MUC17: variants seen among roughly 807,000 people sequenced by gnomAD.
MUC17 encodes the protein mucin 17, cell surface associated, also known as mucin-17.
In MUC17, 190 loss-of-function variants were observed where a neutral mutation model predicts 170.3. The observed-to-expected ratio is 1.12, with a 90% CI of 0.99 to 1.26. The LOEUF is 1.26. Ranked by LOEUF, MUC17 falls within the 50% of genes most tolerant of loss-of-function variation. The pLI, the probability that MUC17 is intolerant of heterozygous loss-of-function variation, is 0.00. For missense variants in MUC17, 6,415 were observed against 5,530.0 expected (o/e 1.16, Z -5.08); for synonymous variants, 2,325 against 2,002.5 (o/e 1.16, Z -4.30).
In MUC17 at chr7:101,058,104, C is replaced by A; in HGVS notation, c.*60C>A. 2.0e-6 allele frequency: 3 copies of A among 1,494,054 alleles called. No individual in the cohort carries two copies. The highest frequency in any genetic ancestry group is 1.9e-6 in the Non-Finnish European group (2 of 1,072,168). The allele number at this position is 1,494,054 out of a possible 1,614,324, so 92.5% of individuals were successfully genotyped here. On this transcript the variant is annotated 3_prime_UTR_variant, in exon 13 of 13. Coordinates refer to ENST00000306151, the MANE Select transcript of MUC17 (RefSeq NM_001040105.2). ...CCCAGTCCGGCTAAGCTTGGTGGAG[C>A]ATTTTCCCATTGAGAGCCTTCCATG... is the stretch of plus-strand genomic sequence containing the variant.
chr7:101,028,714 A>C (rs1348342494), intron 1 of MUC17, among the ~76,000 whole-genome samples: 2 of 151,144 alleles, frequency 1.3e-5, no homozygotes, highest in African/African-American at 4.9e-5. Flanking sequence ...CCCTGTCTCT[A>C]CAAAAAAAAA....
chr7:101,031,007 G>T, intron 1 of MUC17, 113 bp from the exon 2 acceptor site: 6 of 1,299,458 alleles, frequency 4.6e-6, no homozygotes, highest in Non-Finnish European at 6.2e-6. Context: ...AAAATCAGCA[G>T]GCTGGTTCAG....
intron 3 of MUC17, among the ~76,000 whole-genome samples, chr7:101,045,851 C>G (rs992995985): frequency 2.0e-5 from 3 of 152,188 alleles, no homozygotes; most frequent in African/African-American, 7.2e-5. Context: ...CGACAAAGGC[C>G]AGGTGGCTGC....
chr7:101,027,622 G>A (rs556345546), intron 1 of MUC17, among the ~76,000 whole-genome samples: 63 of 152,148 alleles, frequency 4.1e-4, no homozygotes, highest in African/African-American at 1.4e-3. Context: ...TTTTGGAGCT[G>A]TGGGCTTATA....
chr7:101,037,574 C>A lies in MUC17; in HGVS notation c.6158C>A (p.Thr2053Asn). 3.1e-6 allele frequency: 5 copies of A among 1,613,836 alleles called. No individual in the cohort carries two copies. Among genetic ancestry groups the A allele is most frequent in the Non-Finnish European group, 4.2e-6 (5 of 1,179,834 alleles). ...CCATTAGCAGGTATGCCTGTCAGCA[C>A]TACGCTTGTGGTCAGTTCTGAGGGT... is the stretch of plus-strand genomic sequence containing the variant. ...TTPLAGMPVS[T>N]TLVVSSEGNT... Residue 2053 changes from threonine to asparagine, a missense_variant, in exon 3 of 13, where the codon ACT (threonine) becomes AAT (asparagine). By Grantham distance (65) the Thr-to-Asn change is moderately conservative (BLOSUM62 0). Coordinates refer to ENST00000306151, the MANE Select transcript of MUC17 (RefSeq NM_001040105.2).
Position 101,042,222 on chromosome 7 carries a change from C to T in MUC17, c.10806C>T (p.Asp3602=), listed in dbSNP as rs762375002. The T allele has an allele frequency of 6.2e-7, 1 of 1,614,206 alleles. No individual in the cohort carries two copies. Among genetic ancestry groups the T allele is most frequent in the Non-Finnish European group, 8.5e-7 (1 of 1,180,014 alleles). The change falls in exon 3 of 13, where the codon GAC becomes GAT. Residue 3602 remains aspartate, a synonymous_variant. Transcript: ENST00000306151. ...EASTPSTPSV[D]RSTPVTTSTQ... is the part of the protein sequence containing the mutation. ...GCACACCTTCCACTCCTTCTGTTGA[C>T]AGAAGCACACCTGTGACCACTTCTA...
At chr7:101,031,575 A>G in intron 2 of MUC17, 26 bp from the exon 3 acceptor site, 1 of 1,513,224 alleles carries the variant, frequency 6.6e-7, no homozygotes, top group Non-Finnish European at 8.8e-7. Context: ...AAACTTCTAA[A>G]CAAAATATCA....
Position 101,041,911 on chromosome 7 carries a change from C to T in MUC17, c.10495C>T (p.Pro3499Ser). ...CACTTCTTCTCCAACCAATTCATCT[C>T]CTACAACTGCTGAAGTTACCAGCAT... ...VTTSSPTNSS[P>S]TTAEVTSMPT... Residue 3499 changes from proline to serine, a missense_variant, in exon 3 of 13, where the codon CCT becomes TCT. Physicochemically the swap from Pro to Ser is moderately conservative, Grantham distance 74 (BLOSUM62 -1). Coordinates refer to ENST00000306151, the MANE Select transcript of MUC17 (RefSeq NM_001040105.2). The T allele has an allele frequency of 3.1e-6, 5 of 1,613,546 alleles. No homozygotes were observed. The highest frequency in any genetic ancestry group is 4.2e-6 in the Non-Finnish European group (5 of 1,179,982).
chr7:101,039,102 C>A lies in MUC17; in HGVS notation c.7686C>A (p.Thr2562=), dbSNP rs780496074. ...ISSSATSAEG[T]SMPTSTYSEG... is the part of the protein sequence containing the mutation. Reference sequence around the variant, plus strand: ...CATCTGCTACATCCGCTGAAGGTACCAGCATGCCTACCTCAACTTATAGTG... The same window carrying A: ...CATCTGCTACATCCGCTGAAGGTACAAGCATGCCTACCTCAACTTATAGTG... The change falls in exon 3 of 13, where the codon ACC becomes ACA. Residue 2562 remains threonine (T), a synonymous_variant. Coordinates refer to ENST00000306151, the MANE Select transcript of MUC17 (RefSeq NM_001040105.2). 6.2e-7 allele frequency: 1 copy of A among 1,613,360 alleles called. No homozygotes were observed. Among genetic ancestry groups the A allele is most frequent in the Non-Finnish European group, 8.5e-7 (1 of 1,179,868 alleles).
chr7:101,022,530 G>A (rs1469071298), intron 1 of MUC17, among the ~76,000 whole-genome samples: 1 of 152,110 alleles, frequency 6.6e-6, no homozygotes, highest in African/African-American at 2.4e-5. Context: ...CCATCAACAA[G>A]GCTCTCCTCC....
In MUC17 at chr7:101,049,359, C is replaced by G. The variant is rs142156590; in HGVS notation, c.12699C>G (p.Val4233=). 1 of 1,613,274 alleles carries G rather than the reference C, an allele frequency of 6.2e-7. No individual in the cohort carries two copies. Among genetic ancestry groups the G allele is most frequent in the South Asian group, 1.1e-5 (1 of 90,956 alleles). ...TGTATTCCGGGATCCCTGAGTATGT[C>G]GGGGTGAACATCACAAAGCTACGGT... ...NIVYSGIPEY[V]GVNITKLRLG... The change falls in exon 6 of 13, where the codon GTC becomes GTG. Residue 4233 remains valine (V), a synonymous_variant. Coordinates refer to ENST00000306151, the MANE Select transcript of MUC17 (RefSeq NM_001040105.2).
chr7:101,043,572 C>G lies in MUC17; in HGVS notation c.12156C>G (p.Ser4052Arg). The change falls in exon 3 of 13, where the codon AGC (serine) becomes AGG (arginine). Residue 4052 changes from serine to arginine, a missense_variant. Physicochemically the swap from Ser to Arg is moderately radical, Grantham distance 110. Coordinates refer to ENST00000306151, the MANE Select transcript of MUC17 (RefSeq NM_001040105.2). ...CTGTGACCCCTTCATCAGAATCCAG[C>G]AGGCCGTCAACAATTACTTCTCACA... ...TRPVTPSSESSRPSTITSHTI... is the reference protein window; with the variant it reads ...TRPVTPSSESRRPSTITSHTI... 1 of 1,614,206 alleles carries G rather than the reference C, an allele frequency of 6.2e-7. No homozygotes were observed. The highest frequency in any genetic ancestry group is 1.1e-5 in the South Asian group (1 of 91,084).
Position 101,042,045 on chromosome 7 carries a change from C to A in MUC17, c.10629C>A (p.Asp3543Glu), listed in dbSNP as rs753946936. The change falls in exon 3 of 13, where the codon GAC (aspartate) becomes GAA (glutamate). Residue 3543 changes from aspartate to glutamate, a missense_variant. Physicochemically the swap from Asp to Glu is conservative, Grantham distance 45. Transcript: ENST00000306151. ...EASTLSTTPV[D>E]SNTFVTSSSQ... ...GCACCCTTTCAACAACTCCTGTTGACTCCAACACTTTTGTTACCAGTTCTA... is the reference window on the plus strand; with the variant it reads ...GCACCCTTTCAACAACTCCTGTTGAATCCAACACTTTTGTTACCAGTTCTA... The A allele has an allele frequency of 9.3e-6, 15 of 1,613,772 alleles. No individual in the cohort carries two copies. The Middle Eastern group carries it at 6.6e-4, about 71-fold the overall frequency.
chr7:101,042,055 T>G lies in MUC17; in HGVS notation c.10639T>G (p.Phe3547Val). The G allele has an allele frequency of 2.5e-6, 4 of 1,610,438 alleles. No individual in the cohort carries two copies. In the South Asian group the frequency reaches 3.3e-5, roughly 13 times the overall value. Residue 3547 changes from phenylalanine (F) to valine (V), a missense_variant, in exon 3 of 13, where the codon TTT becomes GTT. Phe to Val is a conservative substitution (Grantham distance 50). Transcript: ENST00000306151. ...AACAACTCCTGTTGACTCCAACACTTTTGTTACCAGTTCTAGTCAAGCCAG... is the reference window on the plus strand; with the variant it reads ...AACAACTCCTGTTGACTCCAACACTGTTGTTACCAGTTCTAGTCAAGCCAG... The part of the protein sequence containing the change: ...LSTTPVDSNT[F>V]VTSSSQASSS...
chr7:101,037,954 A>C lies in MUC17; in HGVS notation c.6538A>C (p.Thr2180Pro), dbSNP rs2116436365. 6.2e-7 allele frequency: 1 copy of C among 1,612,544 alleles called. No individual in the cohort carries two copies. The highest frequency in any genetic ancestry group is 8.5e-7 in the Non-Finnish European group (1 of 1,178,928). The change falls in exon 3 of 13, where the codon ACC (threonine) becomes CCC (proline). Residue 2180 changes from threonine (T) to proline (P), a missense_variant. By Grantham distance (38) the Thr-to-Pro change is conservative. Coordinates refer to ENST00000306151, the MANE Select transcript of MUC17 (RefSeq NM_001040105.2). ...TTVVASSAIS[T>P]LSTTPVDTST... ...AGTGGTGGCCAGTTCTGCAATCAGC[A>C]CCCTTTCAACAACTCCTGTTGACAC...
At position 101,038,465 on chromosome 7, in the gene MUC17, T is replaced by A; in HGVS notation, c.7049T>A (p.Val2350Glu). ...LTRMPVSTTM[V>E]ASFETSTLST... ...CGTATGCCTGTCAGCACCACAATGG[T>A]GGCCAGTTTTGAAACAAGCACACTT... Residue 2350 changes from valine (V) to glutamate (E), a missense_variant, in exon 3 of 13, where the codon GTG becomes GAG. Coordinates refer to ENST00000306151, the MANE Select transcript of MUC17 (RefSeq NM_001040105.2). 1 of 1,604,118 alleles carries A rather than the reference T, an allele frequency of 6.2e-7. No homozygotes were observed. Among genetic ancestry groups the A allele is most frequent in the Non-Finnish European group, 8.5e-7 (1 of 1,174,250 alleles).
At chr7:101,028,497 AT>A (rs1056258902) in intron 1 of MUC17, among the ~76,000 whole-genome samples, 2 of 151,502 alleles carry the variant, frequency 1.3e-5, no homozygotes, top group East Asian at 1.9e-4. Context: ...CATCTGGTGT[AT>A]TTTTTTTATC....
At position 101,034,277 on chromosome 7, in the gene MUC17, C is replaced by T. The variant is rs1370363466; in HGVS notation, c.2861C>T (p.Pro954Leu). The change falls in exon 3 of 13, where the codon CCT (proline) becomes CTT (leucine). Residue 954 changes from proline (P) to leucine (L), a missense_variant. Coordinates refer to ENST00000306151, the MANE Select transcript of MUC17 (RefSeq NM_001040105.2). ...GCAACTCCTGTTGACACCAGCACAC[C>T]TGTGACCACTTCTACTGAAGCCACT... ...LSATPVDTSTPVTTSTEATSS... is the reference protein window; with the variant it reads ...LSATPVDTSTLVTTSTEATSS... 1 of 1,609,362 alleles carries T rather than the reference C, an allele frequency of 6.2e-7. No individual in the cohort carries two copies. The highest frequency in any genetic ancestry group is 8.5e-7 in the Non-Finnish European group (1 of 1,177,984).
In MUC17 at chr7:101,038,687, C is replaced by T; in HGVS notation, c.7271C>T (p.Thr2424Ile). 1 of 1,613,998 alleles carries T rather than the reference C, an allele frequency of 6.2e-7. No individual in the cohort carries two copies. Among genetic ancestry groups the T allele is most frequent in the Non-Finnish European group, 8.5e-7 (1 of 1,179,986 alleles). ...ACCCATTCCACAACTCCTGTTGACA[C>T]CAGCACACCTGTCACCACTTCTACT... ...ASTHSTTPVD[T>I]STPVTTSTEA... The change falls in exon 3 of 13, where the codon ACC becomes ATC. Residue 2424 changes from threonine to isoleucine, a missense_variant. Thr to Ile is a moderately conservative substitution (Grantham distance 89). Transcript: ENST00000306151.
Sources: gnomAD v4.1 joint callset for allele counts (sites outside exome capture counted in the v4.1 genomes callset) on GRCh38, gnomAD v4.1.1 for gene constraint, MANE v1.5 for transcripts, NCBI Gene and HGNC (gene_info 2026-07-23, HGNC 2026-07-21) for gene names.